CEACAM4: variants seen among roughly 807,000 people sequenced by gnomAD.
The protein encoded by CEACAM4 is cell adhesion molecule CEACAM4.
Under a neutral mutation model 28.7 loss-of-function variants are expected in CEACAM4, and 30 were observed. That is an observed-to-expected ratio of 1.05 (90% CI 0.78 to 1.42). The LOEUF (loss-of-function observed/expected upper bound fraction) is 1.42. Ranked by LOEUF, CEACAM4 falls within the 40% of genes most tolerant of loss-of-function variation. The probability of loss-of-function intolerance (pLI) is 0.00; values close to 1 mark genes in which losing one functional copy is unlikely to be tolerated. For missense variants in CEACAM4, 330 were observed against 308.2 expected (o/e 1.07, Z -0.53); for synonymous variants, 143 against 126.5 (o/e 1.13, Z -0.87).
chr19:41,627,058 G>T lies in CEACAM4; in HGVS notation c.-95C>A. ...GTGACTGTCGGCTGTCGGGGCTGCTGACCTTCCTCCTTCTGTGCTGAGCCT... is the reference window on the plus strand; with the variant it reads ...GTGACTGTCGGCTGTCGGGGCTGCTTACCTTCCTCCTTCTGTGCTGAGCCT... On this transcript the variant is annotated 5_prime_UTR_variant, in exon 1 of 7. Transcript: ENST00000221954. 1.8e-6 allele frequency: 2 copies of T among 1,101,290 alleles called. No individual in the cohort carries two copies. The highest frequency in any genetic ancestry group is 2.6e-6 in the Non-Finnish European group (2 of 770,324). 68.2% of individuals were successfully genotyped at this position (1,101,290 alleles called of 1,614,324 possible).
At chr19:41,623,008 AGTATT>A (rs1233249609) in intron 2 of CEACAM4, among the ~76,000 whole-genome samples, 7 of 152,118 alleles carry the variant, frequency 4.6e-5, no homozygotes, top group Non-Finnish European at 8.8e-5. Context: ...CATATTAGCC[AGTATT>A]GTTTTTTGTT....
At chr19:41,615,235 A>G (rs2070971392), downstream of CEACAM4, among the ~76,000 whole-genome samples, 1 of 151,766 alleles carries the variant, frequency 6.6e-6, no homozygotes, top group Admixed American at 6.6e-5. Context: ...GTTCGGTGGG[A>G]TTTCCTAATA....
chr19:41,621,655 C>T lies in CEACAM4; in HGVS notation c.538G>A (p.Gly180Arg), dbSNP rs371323836. The T allele has an allele frequency of 6.3e-7, 1 of 1,582,886 alleles. No homozygotes were observed. Among genetic ancestry groups the T allele is most frequent in the Non-Finnish European group, 8.7e-7 (1 of 1,152,252 alleles). The change falls in exon 3 of 7, where the codon GGA becomes AGA. Residue 180 changes from glycine (G) to arginine (R), a missense_variant. Transcript: ENST00000221954. ...LVCFLLLSRTGRASIQRDLRE... is the reference protein window; with the variant it reads ...LVCFLLLSRTRRASIQRDLRE... ...GCTGGGGAAAAGCTGCGGTACCTTC[C>T]AGTCCTGGAGAGAAGCAGAAAACAC...
rs148761752 is a variant in CEACAM4 at position 41,621,734 on chromosome 19, G to A, written c.459C>T (p.Val153=). ...CCAGGACCCCAGTCACGATGCCAGCGACGGCCCCCACAGGAAGGCCTGGGA... is the reference window on the plus strand; with the variant it reads ...CCAGGACCCCAGTCACGATGCCAGCAACGGCCCCCACAGGAAGGCCTGGGA... The part of the protein sequence containing the change: ...NNVPGLPVGA[V]AGIVTGVLVG... The change falls in exon 3 of 7, where the codon GTC becomes GTT. Residue 153 remains valine, a synonymous_variant. Coordinates refer to ENST00000221954, the MANE Select transcript of CEACAM4 (RefSeq NM_001817.4). 18 of 1,612,774 alleles carry A rather than the reference G, an allele frequency of 1.1e-5. 1 individual carries two copies. Among genetic ancestry groups the A allele is most frequent in the Admixed American group, 8.3e-5 (5 of 59,988 alleles).
intron 3 of CEACAM4, among the ~76,000 whole-genome samples, chr19:41,621,203 C>T (rs3848567): frequency 0.13 from 19,179 of 152,056 alleles, 1,654 homozygotes; most frequent in East Asian, 0.34. Flanking sequence ...ACATCAATCA[C>T]GATGGGGTGC....
intron 5 of CEACAM4, 45 bp downstream of exon 5, chr19:41,620,165 CT>C: frequency 6.8e-7 from 1 of 1,475,472 alleles, no homozygotes; most frequent in Non-Finnish European, 9.0e-7. Flanking sequence ...TGAGCCTGCA[CT>C]GTTGGGACCC....
rs373088200 is a variant in CEACAM4 at position 41,625,714 on chromosome 19, T to A, written c.311A>T (p.Asn104Ile). 1 of 1,614,010 alleles carries A rather than the reference T, an allele frequency of 6.2e-7. No individual in the cohort carries two copies. Residue 104 changes from asparagine (N) to isoleucine (I), a missense_variant, in exon 2 of 7, where the codon AAT (asparagine) becomes ATT (isoleucine). By Grantham distance (149) the Asn-to-Ile change is moderately radical. Coordinates refer to ENST00000221954, the MANE Select transcript of CEACAM4 (RefSeq NM_001817.4). ...AYSGRETVYP[N>I]GSLLFQNITL... is the part of the protein sequence containing the mutation. ...GATGTTTTGGAACAGCAGGGATCCA[T>A]TGGGGTATACTGTCTCTCGACCACT... is the stretch of plus-strand genomic sequence containing the variant.
chr19:41,614,479 T>C (rs1293514295), downstream of CEACAM4, among the ~76,000 whole-genome samples: 1 of 152,240 alleles, frequency 6.6e-6, no homozygotes, highest in Non-Finnish European at 1.5e-5. Flanking sequence ...TATATGGGAA[T>C]GTCCATCTCC....
chr19:41,622,900 A>C (rs1454700641), intron 2 of CEACAM4, among the ~76,000 whole-genome samples: 1 of 151,718 alleles, frequency 6.6e-6, no homozygotes, highest in Non-Finnish European at 1.5e-5. Flanking sequence ...ATAGATAGAT[A>C]TAGTAGCTGT....
At chr19:41,616,926 G>A (rs2070992129), downstream of CEACAM4, among the ~76,000 whole-genome samples, 1 of 152,184 alleles carries the variant, frequency 6.6e-6, no homozygotes, top group Non-Finnish European at 1.5e-5. Context: ...CCTGGATGCA[G>A]CAAGCAGCCC....
rs1453716685 is a variant in CEACAM4 at position 41,619,116 on chromosome 19, A to G, written c.*214T>C. The G allele has an allele frequency of 1.6e-5, 9 of 565,866 alleles. No individual in the cohort carries two copies. The highest frequency in any genetic ancestry group is 1.5e-4 in the African/African-American group (8 of 52,560). 35.1% of individuals were successfully genotyped at this position (565,866 alleles called of 1,614,324 possible). On this transcript the variant is annotated 3_prime_UTR_variant, in exon 7 of 7. Coordinates refer to ENST00000221954, the MANE Select transcript of CEACAM4 (RefSeq NM_001817.4). ...CAAGCCCCCGCTTCCTGTGGTGATG[A>G]GAGGCCTTTGTCCCGGCCCACCCAG...
chr19:41,617,804 G>T (rs1472378810), downstream of CEACAM4, among the ~76,000 whole-genome samples: 1 of 152,172 alleles, frequency 6.6e-6, no homozygotes, highest in East Asian at 1.9e-4. Context: ...TGGGCACTTT[G>T]GTTCAGGTTT....
At chr19:41,622,891 T>TAGATAGAC (rs1461101725) in intron 2 of CEACAM4, among the ~76,000 whole-genome samples, 1 of 126,122 alleles carries the variant, frequency 7.9e-6, no homozygotes, top group Non-Finnish European at 1.6e-5. Context: ...GATAGATAGA[T>TAGATAGAC]AGATAGATAT....
intron 1 of CEACAM4, 116 bp downstream of exon 1, chr19:41,626,784 C>G: frequency 1.3e-6 from 1 of 795,368 alleles, no homozygotes; most frequent in Non-Finnish European, 2.0e-6. Context: ...CCCTCAGTCC[C>G]CTCTCAGAGC....
At chr19:41,615,717 AC>A (rs144700748), downstream of CEACAM4, among the ~76,000 whole-genome samples, 2,158 of 152,002 alleles carry the variant, frequency 0.014, 53 homozygotes, top group African/African-American at 0.05. Context: ...GACAGAGAGG[AC>A]CCTGGTGGCT....
Position 41,626,797 on chromosome 19 carries a change from C to T in CEACAM4, c.64+103G>A. 4 of 960,650 alleles carry T rather than the reference C, an allele frequency of 4.2e-6. No individual in the cohort carries two copies. The South Asian group carries it at 6.0e-5, about 14-fold the overall frequency. The allele number at this position is 960,650 out of a possible 1,614,324, so 59.5% of individuals were successfully genotyped here. A position where few individuals can be genotyped will look rare whatever the true frequency, so the allele number is the denominator to read the frequency against. On this transcript the variant is annotated intron_variant, in intron 1 of 6. Transcript: ENST00000221954. The stretch of plus-strand genomic sequence containing the variant: ...GGCCCTCAGTCCCCTCTCAGAGCCC[C>T]AGGAGACCCCAGCCAGAAGCCCTCT...
chr19:41,625,901 G>A lies in CEACAM4; in HGVS notation c.124C>T (p.Pro42Ser). The change falls in exon 2 of 7, where the codon CCG becomes TCG. Residue 42 changes from proline to serine, a missense_variant. Physicochemically the swap from Pro to Ser is moderately conservative, Grantham distance 74. Coordinates refer to ENST00000221954, the MANE Select transcript of CEACAM4 (RefSeq NM_001817.4). ...TCCTTTCCCTCTGCAGCACTGGACG[G>A]CAGGGCTTCAATAGTGAACTGGACA... ...TTVQFTIEAL[P>S]SSAAEGKDVL... The A allele has an allele frequency of 6.2e-7, 1 of 1,613,548 alleles. No individual in the cohort carries two copies. Among genetic ancestry groups the A allele is most frequent in the Non-Finnish European group, 8.5e-7 (1 of 1,179,618 alleles).
chr19:41,624,811 T>G (rs2071532374), intron 2 of CEACAM4, among the ~76,000 whole-genome samples: 1 of 152,176 alleles, frequency 6.6e-6, no homozygotes, highest in African/African-American at 2.4e-5. Context: ...AACTTTAAAT[T>G]ATTCACAGGA....
At chr19:41,613,588 G>T in the CEACAM4 span, among the ~76,000 whole-genome samples, 8 of 151,958 alleles carry the variant, frequency 5.3e-5, no homozygotes, top group Admixed American at 4.6e-4. Context: ...GGAACCCATG[G>T]GTCAAGGCCT....
Sources: gnomAD v4.1 joint callset for allele counts (sites outside exome capture counted in the v4.1 genomes callset) on GRCh38, gnomAD v4.1.1 for gene constraint, MANE v1.5 for transcripts, NCBI Gene and HGNC (gene_info 2026-07-23, HGNC 2026-07-21) for gene names.